Variants in PALM2AKAP2 observed in about 807,000 individuals in gnomAD.
PALM2AKAP2 encodes PALM2-AKAP2 fusion protein.
Under a neutral mutation model 71.5 loss-of-function variants are expected in PALM2AKAP2, and 37 were observed. The ratio of observed to expected loss-of-function variants is 0.52; its 90% CI spans 0.40 to 0.68. PALM2AKAP2 has a LOEUF of 0.68. Ranked by LOEUF, PALM2AKAP2 falls within the 30% of genes least tolerant of loss-of-function variation. The pLI, the probability that PALM2AKAP2 is intolerant of heterozygous loss-of-function variation, is 0.00. For synonymous variants in PALM2AKAP2, 468 were observed against 478.8 expected (o/e 0.98, Z 0.29); for missense variants, 1,224 against 1,191.8 (o/e 1.03, Z -0.40).
intron 3 of PALM2AKAP2, among the ~76,000 whole-genome samples, chr9:109,918,686 C>G (rs7040633): frequency 0.45 from 68,050 of 152,096 alleles, 17,386 homozygotes; most frequent in East Asian, 0.74. Flanking sequence ...CTGTTCCTTG[C>G]GAAGCTGCTT....
At chr9:109,731,860 G>A (rs2118661240) in intron 1 of PALM2AKAP2, among the ~76,000 whole-genome samples, 1 of 152,256 alleles carries the variant, frequency 6.6e-6, no homozygotes, top group Admixed American at 6.5e-5. Context: ...AGAAGAGAGG[G>A]TAAGATCTGT....
intron 1 of PALM2AKAP2, among the ~76,000 whole-genome samples, chr9:109,730,786 T>A (rs1370537693): frequency 6.6e-6 from 1 of 152,050 alleles, no homozygotes; most frequent in Non-Finnish European, 1.5e-5. Flanking sequence ...ATGGGGATAA[T>A]CTCCAAAGAT....
At chr9:110,093,586 C>T (rs1225937503) in intron 1 of PALM2AKAP2, among the ~76,000 whole-genome samples, 2 of 152,198 alleles carry the variant, frequency 1.3e-5, no homozygotes, top group African/African-American at 4.8e-5. Flanking sequence ...GCTGGCATAG[C>T]TACTCTAATC....
chr9:109,968,185 C>G (rs1831992414), intron 6 of PALM2AKAP2, among the ~76,000 whole-genome samples: 1 of 152,188 alleles, frequency 6.6e-6, no homozygotes, highest in Admixed American at 6.5e-5. Flanking sequence ...GGCACTTCTC[C>G]CAGGGAGAGG....
At chr9:109,954,055 G>C (rs1831698691) in intron 6 of PALM2AKAP2, among the ~76,000 whole-genome samples, 4 of 152,240 alleles carry the variant, frequency 2.6e-5, no homozygotes, top group Middle Eastern at 6.8e-3. Context: ...AGGAGAAGCG[G>C]AGGGTAAAAT....
chr9:109,835,554 T>C (rs926033599), intron 1 of PALM2AKAP2, among the ~76,000 whole-genome samples: 20 of 152,046 alleles, frequency 1.3e-4, no homozygotes, highest in East Asian at 1.9e-4. Flanking sequence ...GTGCAGCACA[T>C]TGAGCATTAG....
At chr9:109,665,117 G>A (rs565924883) in intron 1 of PALM2AKAP2, among the ~76,000 whole-genome samples, 4 of 152,190 alleles carry the variant, frequency 2.6e-5, no homozygotes, top group South Asian at 4.2e-4. Context: ...GCTTCCTTGC[G>A]ATGGGTTCGA....
At chr9:110,092,922 TATGACCCCCAGGG>T (rs1283500749) in intron 1 of PALM2AKAP2, among the ~76,000 whole-genome samples, 5 of 152,268 alleles carry the variant, frequency 3.3e-5, no homozygotes, top group African/African-American at 1.2e-4. Context: ...TCCTGCTCCT[TATGACCCCCAGGG>T]ATGGGGTGGG....
intron 1 of PALM2AKAP2, among the ~76,000 whole-genome samples, chr9:109,660,325 T>C (rs1564104269): frequency 6.6e-6 from 1 of 152,182 alleles, no homozygotes; most frequent in Non-Finnish European, 1.5e-5. Flanking sequence ...TAGGTATTTC[T>C]CCTAATGCTA....
chr9:109,872,081 G>T (rs528355005), intron 2 of PALM2AKAP2, among the ~76,000 whole-genome samples: 1 of 151,976 alleles, frequency 6.6e-6, no homozygotes, highest in African/African-American at 2.4e-5. Context: ...TACCATTTAT[G>T]GATTATTTTT....
intron 1 of PALM2AKAP2, among the ~76,000 whole-genome samples, chr9:110,112,833 G>C (rs1281026652): frequency 6.6e-6 from 1 of 152,228 alleles, no homozygotes. Context: ...GTAAACTACA[G>C]CTATCAAGAG....
At chr9:109,642,313 G>A (rs1452934777) in intron 1 of PALM2AKAP2, among the ~76,000 whole-genome samples, 1 of 151,634 alleles carries the variant, frequency 6.6e-6, no homozygotes, top group Non-Finnish European at 1.5e-5. Flanking sequence ...TGTACTTTTT[G>A]TGAACATTAA....
chr9:110,085,022 G>A (rs1310324277), intron 1 of PALM2AKAP2, among the ~76,000 whole-genome samples: 1 of 152,092 alleles, frequency 6.6e-6, no homozygotes, highest in African/African-American at 2.4e-5. Context: ...TTACAGGCGT[G>A]AGCCACCGCG....
chr9:109,716,467 AT>A (rs2118622055), intron 1 of PALM2AKAP2, among the ~76,000 whole-genome samples: 1 of 152,348 alleles, frequency 6.6e-6, no homozygotes, highest in Admixed American at 6.5e-5. Context: ...AAACAGCAGT[AT>A]AAATGTCAAG....
intron 1 of PALM2AKAP2, among the ~76,000 whole-genome samples, chr9:109,757,971 C>G (rs1384564424): frequency 1.3e-5 from 2 of 151,996 alleles, no homozygotes; most frequent in Admixed American, 6.6e-5. Flanking sequence ...CTTTACCCAT[C>G]CTAACCCCCT....
At chr9:110,032,764 A>T (rs1003314183) in intron 7 of PALM2AKAP2, among the ~76,000 whole-genome samples, 26 of 150,788 alleles carry the variant, frequency 1.7e-4, no homozygotes, top group African/African-American at 4.6e-4. Context: ...AAAAACAAAA[A>T]AAATAAAAAA....
chr9:110,061,398 G>T lies in PALM2AKAP2; in HGVS notation c.156+12543G>T, dbSNP rs80344044. On this transcript the variant is annotated intron_variant, in intron 1 of 3. Transcript: ENST00000374525. ...TTGTGATCAAGTTTTGTTCAGAAGGGTGTAACTTAACTTTGAAAAAAACTA... is the reference window on the plus strand; with the variant it reads ...TTGTGATCAAGTTTTGTTCAGAAGGTTGTAACTTAACTTTGAAAAAAACTA... Among the ~76,000 whole-genome samples the T allele has an allele frequency of 5.5e-3, 835 of 151,974 alleles. 6 individuals carry two copies. The highest frequency in any genetic ancestry group is 0.027 in the Middle Eastern group (8 of 294).
At chr9:109,817,766 C>T (rs369741856) in intron 1 of PALM2AKAP2, among the ~76,000 whole-genome samples, 13 of 152,286 alleles carry the variant, frequency 8.5e-5, no homozygotes, top group African/African-American at 3.1e-4. Flanking sequence ...ATTTTATTTA[C>T]GCTTGGAAAC....
chr9:110,097,030 G>C (rs950128506), intron 1 of PALM2AKAP2, among the ~76,000 whole-genome samples: 3 of 148,996 alleles, frequency 2.0e-5, no homozygotes, highest in Non-Finnish European at 3.0e-5. Context: ...CAGGACAATA[G>C]TGGAGGGAAG....
Sources: allele counts gnomAD v4.1 joint callset (sites outside exome capture counted in the v4.1 genomes callset), GRCh38; gene constraint gnomAD v4.1.1; transcripts MANE v1.5; gene names NCBI Gene and HGNC (gene_info 2026-07-23, HGNC 2026-07-21).